C1QTNF3: variants seen among roughly 807,000 people sequenced by gnomAD.
C1QTNF3 encodes the protein complement C1q tumor necrosis factor-related protein 3.
In C1QTNF3, 26 loss-of-function variants were observed where a neutral mutation model predicts 32.6. The ratio of observed to expected loss-of-function variants is 0.80; its 90% CI spans 0.58 to 1.11. C1QTNF3 has a LOEUF of 1.11. C1QTNF3 is among the 50% of genes least tolerant of loss of function. C1QTNF3 has a pLI of 0.00. For missense variants in C1QTNF3, 362 were observed against 398.2 expected (o/e 0.91, Z 0.77); for synonymous variants, 155 against 146.0 (o/e 1.06, Z -0.44).
chr5:34,207,728 ATAACT>A, the C1QTNF3 span, among the ~76,000 whole-genome samples: 2 of 152,148 alleles, frequency 1.3e-5, no homozygotes, highest in African/African-American at 4.8e-5. Flanking sequence ...CAATGGCTTG[ATAACT>A]TAAAGTAAAA....
the C1QTNF3 span, among the ~76,000 whole-genome samples, chr5:34,119,020 G>A: frequency 6.6e-6 from 1 of 152,036 alleles, no homozygotes; most frequent in Admixed American, 6.6e-5. Flanking sequence ...ACTCATATGT[G>A]TCCAAAATTC....
the C1QTNF3 span, among the ~76,000 whole-genome samples, chr5:34,056,486 A>AT: frequency 2.9e-5 from 1 of 34,776 alleles, no homozygotes; most frequent in African/African-American, 8.4e-5. Context: ...ATATAGAGAG[A>AT]GAGAGAGAGA....
intron 4 of C1QTNF3, among the ~76,000 whole-genome samples, chr5:34,027,877 AG>A (rs1292873893): frequency 6.6e-6 from 1 of 151,482 alleles, no homozygotes; most frequent in African/African-American, 2.4e-5. Context: ...ATATATTGTT[AG>A]TTTTTTTTTT....
the C1QTNF3 span, among the ~76,000 whole-genome samples, chr5:34,085,168 T>A: frequency 6.8e-6 from 1 of 147,482 alleles, no homozygotes; most frequent in African/African-American, 2.5e-5. Context: ...TTTTTTGTGT[T>A]TTTTTTTTTG....
At chr5:34,059,652 C>A in the C1QTNF3 span, among the ~76,000 whole-genome samples, 1 of 152,176 alleles carries the variant, frequency 6.6e-6, no homozygotes, top group Non-Finnish European at 1.5e-5. Flanking sequence ...CCCAAAGGAC[C>A]TCTTGCTAAC....
chr5:34,218,889 A>G, the C1QTNF3 span, among the ~76,000 whole-genome samples: 467 of 152,034 alleles, frequency 3.1e-3, 2 homozygotes, highest in African/African-American at 0.011. Flanking sequence ...GTAACACTCT[A>G]AAGATTCATG....
At chr5:34,175,903 G>A in the C1QTNF3 span, 2 of 814,646 alleles carry the variant, frequency 2.5e-6, no homozygotes, top group South Asian at 1.3e-5. Flanking sequence ...AGACCCAGAT[G>A]GTACTGCTCT....
the C1QTNF3 span, among the ~76,000 whole-genome samples, chr5:34,217,043 T>C: frequency 1.3e-5 from 2 of 152,206 alleles, no homozygotes; most frequent in Non-Finnish European, 2.9e-5. Context: ...ACTATTCATC[T>C]ATACATACAA....
At chr5:34,234,820 C>T in the C1QTNF3 span, among the ~76,000 whole-genome samples, 1 of 152,110 alleles carries the variant, frequency 6.6e-6, no homozygotes. Flanking sequence ...AAAATTAGAA[C>T]AATGAGTGTT....
At chr5:34,244,399 C>G in the C1QTNF3 span, among the ~76,000 whole-genome samples, 12 of 152,182 alleles carry the variant, frequency 7.9e-5, no homozygotes. Context: ...TGGAAAGGGA[C>G]CCTAGCACGT....
At chr5:34,104,070 CAA>C in the C1QTNF3 span, among the ~76,000 whole-genome samples, 8 of 119,338 alleles carry the variant, frequency 6.7e-5, no homozygotes, top group South Asian at 2.6e-3. Context: ...CCCGGAAGAC[CAA>C]ACATTTGGTA....
upstream of C1QTNF3, among the ~76,000 whole-genome samples, chr5:34,044,382 A>G (rs1390038440): frequency 6.6e-6 from 1 of 152,178 alleles, no homozygotes; most frequent in Non-Finnish European, 1.5e-5. Flanking sequence ...AGGACCGTAA[A>G]TAGCATGGGT....
At chr5:34,121,747 CAT>C in the C1QTNF3 span, among the ~76,000 whole-genome samples, 13 of 152,240 alleles carry the variant, frequency 8.5e-5, no homozygotes, top group Admixed American at 5.9e-4. Context: ...CCAAAATTCA[CAT>C]GTTGAAACTC....
At chr5:34,122,041 T>C in the C1QTNF3 span, among the ~76,000 whole-genome samples, 10 of 152,310 alleles carry the variant, frequency 6.6e-5, no homozygotes, top group East Asian at 1.7e-3. Context: ...ATAAGCTACA[T>C]AGTATGTATC....
the C1QTNF3 span, among the ~76,000 whole-genome samples, chr5:34,238,325 G>A: frequency 5.3e-5 from 8 of 152,252 alleles, no homozygotes; most frequent in South Asian, 6.2e-4. Context: ...ACAGAACCTC[G>A]ATGGCAGGGA....
the C1QTNF3 span, among the ~76,000 whole-genome samples, chr5:34,117,079 G>T: frequency 6.6e-6 from 1 of 151,684 alleles, no homozygotes; most frequent in African/African-American, 2.4e-5. Flanking sequence ...TAATTATATT[G>T]TTTAATCTAT....
chr5:34,125,738 AATT>A, the C1QTNF3 span, among the ~76,000 whole-genome samples: 2 of 152,230 alleles, frequency 1.3e-5, no homozygotes, highest in East Asian at 3.8e-4. Flanking sequence ...AAAATTTAAA[AATT>A]ATTTCACACG....
chr5:34,227,561 A>T, the C1QTNF3 span, among the ~76,000 whole-genome samples: 2 of 151,724 alleles, frequency 1.3e-5, no homozygotes, highest in African/African-American at 4.8e-5. Flanking sequence ...AATCTCCAAA[A>T]ATTTTCTAAT....
chr5:34,058,140 G>A, the C1QTNF3 span, among the ~76,000 whole-genome samples: 1 of 152,044 alleles, frequency 6.6e-6, no homozygotes, highest in Non-Finnish European at 1.5e-5. Flanking sequence ...AGTCTTCTGG[G>A]ATGCTTCAAT....
Sources: gnomAD v4.1 joint callset for allele counts (sites outside exome capture counted in the v4.1 genomes callset) on GRCh38, gnomAD v4.1.1 for gene constraint, MANE v1.5 for transcripts, NCBI Gene and HGNC (gene_info 2026-07-23, HGNC 2026-07-21) for gene names.